Variants in WDFY3 observed in about 807,000 individuals in gnomAD.
WDFY3 encodes WD repeat and FYVE domain containing 3, also known as WD repeat and FYVE domain-containing protein 3.
A neutral mutation model predicts 409.6 loss-of-function variants in WDFY3; 66 were observed. The ratio of observed to expected loss-of-function variants is 0.16; its 90% confidence interval spans 0.13 to 0.20. The LOEUF is 0.20. Ranked by LOEUF, WDFY3 falls within the 10% of genes least tolerant of loss-of-function variation. The pLI, the probability that WDFY3 is intolerant of heterozygous loss-of-function variation, is 1.00. For missense variants in WDFY3, 3,031 were observed against 4,298.1 expected (o/e 0.71, Z 8.24); for synonymous variants, 1,521 against 1,537.1 (o/e 0.99, Z 0.25).
intron 30 of WDFY3, among the ~76,000 whole-genome samples, 199 bp downstream of exon 30, chr4:84,772,636 A>G (rs1459639634): frequency 6.6e-6 from 1 of 152,186 alleles, no homozygotes; most frequent in Non-Finnish European, 1.5e-5. Flanking sequence ...TTCACACCCT[A>G]TTAAATTTTG....
At chr4:84,693,143 G>T in intron 58 of WDFY3, 111 bp from the exon 59 acceptor site, 1 of 1,152,438 alleles carries the variant, frequency 8.7e-7, no homozygotes, top group Non-Finnish European at 1.2e-6. Flanking sequence ...GAACTATTAG[G>T]TACTATATTA....
At chr4:84,738,481 A>C (rs1212620688) in intron 40 of WDFY3, among the ~76,000 whole-genome samples, 2 of 152,034 alleles carry the variant, frequency 1.3e-5, no homozygotes, top group Admixed American at 1.3e-4. Flanking sequence ...GTGCACCTGT[A>C]GTCCCAGCTA....
intron 21 of WDFY3, 73 bp from the exon 22 acceptor site, chr4:84,789,980 A>G (rs941120861): frequency 1.4e-6 from 2 of 1,476,138 alleles, no homozygotes; most frequent in African/African-American, 2.8e-5. Context: ...TATCTAGATC[A>G]GCATGTTTTG....
At chr4:84,816,865 ATAT>A (rs1397727589) in intron 13 of WDFY3, among the ~76,000 whole-genome samples, 1 of 152,128 alleles carries the variant, frequency 6.6e-6, no homozygotes, top group Non-Finnish European at 1.5e-5. Flanking sequence ...AATCCATGTT[ATAT>A]GATTTCTCTA....
intron 19 of WDFY3, among the ~76,000 whole-genome samples, chr4:84,795,930 T>C (rs1310057947): frequency 6.6e-6 from 1 of 152,166 alleles, no homozygotes; most frequent in East Asian, 1.9e-4. Context: ...TGAAATAATT[T>C]ATTCATTTGA....
chr4:84,791,859 T>A (rs1460156137), intron 21 of WDFY3, among the ~76,000 whole-genome samples: 1 of 152,228 alleles, frequency 6.6e-6, no homozygotes, highest in East Asian at 1.9e-4. Context: ...CTACCCTATA[T>A]GTTACCAGAC....
intron 49 of WDFY3, among the ~76,000 whole-genome samples, chr4:84,715,859 A>C (rs1733807427): frequency 6.6e-6 from 1 of 151,378 alleles, no homozygotes; most frequent in Non-Finnish European, 1.5e-5. Flanking sequence ...CTACACAATA[A>C]ATAGATATTT....
At chr4:84,836,580 T>C (rs1167554693) in intron 7 of WDFY3, among the ~76,000 whole-genome samples, 1 of 151,942 alleles carries the variant, frequency 6.6e-6, no homozygotes, top group African/African-American at 2.4e-5. Context: ...AGCAACTAGA[T>C]AGAATTTTGA....
Position 84,826,876 on chromosome 4 carries a change from A to G in WDFY3, c.1062T>C (p.Gly354=). ...ATAAAAAGGGTGCCCCTGTGGTAATACCAGCTGGTTTTAGTTCACTGACAC... is the reference window on the plus strand; with the variant it reads ...ATAAAAAGGGTGCCCCTGTGGTAATGCCAGCTGGTTTTAGTTCACTGACAC... ...TYGVSELKPA[G]ITTGAPFLLP... The change falls in exon 10 of 68, where the codon GGT becomes GGC. Residue 354 remains glycine, a synonymous_variant. Coordinates refer to ENST00000295888, the MANE Select transcript of WDFY3 (RefSeq NM_014991.6). 5 of 1,610,842 alleles carry G rather than the reference A, an allele frequency of 3.1e-6. No homozygotes were observed. The highest frequency in any genetic ancestry group is 4.2e-6 in the Non-Finnish European group (5 of 1,179,212).
At chr4:84,735,314 C>T (rs1737254352) in intron 42 of WDFY3, among the ~76,000 whole-genome samples, 194 bp from the exon 43 acceptor site, 1 of 152,204 alleles carries the variant, frequency 6.6e-6, no homozygotes, top group Non-Finnish European at 1.5e-5. Context: ...CTCCCACCCC[C>T]AAAGCCCCTT....
chr4:84,873,560 A>C (rs1369987490), intron 3 of WDFY3, among the ~76,000 whole-genome samples: 1 of 152,202 alleles, frequency 6.6e-6, no homozygotes, highest in Non-Finnish European at 1.5e-5. Flanking sequence ...AAGGATTAAT[A>C]AACTACACTT....
intron 56 of WDFY3, among the ~76,000 whole-genome samples, chr4:84,697,552 C>A (rs970597970): frequency 6.6e-6 from 1 of 152,084 alleles, no homozygotes; most frequent in African/African-American, 2.4e-5. Context: ...AAGATAATTT[C>A]TAAAATATAA....
At chr4:84,878,423 G>A in intron 3 of WDFY3, among the ~76,000 whole-genome samples, 1 of 152,018 alleles carries the variant, frequency 6.6e-6, no homozygotes, top group African/African-American at 2.4e-5. Context: ...CCTCACAAAT[G>A]AAAAAAATAT....
chr4:84,734,966 A>C (rs1191771865), intron 43 of WDFY3, 77 bp downstream of exon 43: 1 of 1,246,662 alleles, frequency 8.0e-7, no homozygotes. Context: ...AATGGGCAGA[A>C]AGATACCAGG....
rs1172342598 is a variant in WDFY3, at chr4:84,679,248, T to G, written c.9824-6A>C. ...CTCGTCTTGGGCTTCCTGCCCTGGG[T>G]GAAGCATTGAGAGAATTGGAACATA... On this transcript the variant is annotated splice_region_variant and splice_polypyrimidine_tract_variant and intron_variant, in intron 64 of 67. Coordinates refer to ENST00000295888, the MANE Select transcript of WDFY3 (RefSeq NM_014991.6). 1.3e-6 allele frequency: 2 copies of G among 1,498,030 alleles called. No homozygotes were observed. Among genetic ancestry groups the G allele is most frequent in the African/African-American group, 2.8e-5 (2 of 71,580 alleles). 92.8% of individuals were successfully genotyped at this position (1,498,030 alleles called of 1,614,324 possible).
At chr4:84,941,657 C>G (rs994428471) in intron 1 of WDFY3, among the ~76,000 whole-genome samples, 1 of 151,866 alleles carries the variant, frequency 6.6e-6, no homozygotes, top group South Asian at 2.1e-4. Context: ...AGTAGACTTT[C>G]GTTTTTGGAA....
intron 6 of WDFY3, among the ~76,000 whole-genome samples, chr4:84,839,187 G>A (rs1032414204): frequency 2.6e-5 from 4 of 151,922 alleles, no homozygotes; most frequent in Non-Finnish European, 4.4e-5. Context: ...TAGAAAATAT[G>A]AATAAATGTA....
intron 29 of WDFY3, among the ~76,000 whole-genome samples, chr4:84,774,095 T>C (rs1745153329): frequency 6.6e-6 from 1 of 152,168 alleles, no homozygotes; most frequent in Non-Finnish European, 1.5e-5. Context: ...AGATTAGAGG[T>C]TAGTCCATGA....
intron 3 of WDFY3, among the ~76,000 whole-genome samples, chr4:84,883,966 G>C (rs1328845882): frequency 6.6e-6 from 1 of 152,102 alleles, no homozygotes; most frequent in African/African-American, 2.4e-5. Context: ...ATGTATGTTT[G>C]TGGTGTCTCA....
Sources: gnomAD v4.1 joint callset for allele counts (sites outside exome capture counted in the v4.1 genomes callset) on GRCh38, gnomAD v4.1.1 for gene constraint, MANE v1.5 for transcripts, NCBI Gene and HGNC (gene_info 2026-07-23, HGNC 2026-07-21) for gene names.